The following SOX5 variants were observed in gnomAD, a reference collection of about 807,000 sequenced individuals.
SOX5 encodes the protein transcription factor SOX-5.
In SOX5, 9 loss-of-function variants were observed where a neutral mutation model predicts 92.0. The observed-to-expected ratio is 0.10, with a 90% CI of 0.06 to 0.17. The LOEUF is 0.17. Ranked by LOEUF, SOX5 falls within the 10% of genes least tolerant of loss-of-function variation. The pLI, the probability that SOX5 is intolerant of heterozygous loss-of-function variation, is 1.00. For synonymous variants in SOX5, 344 were observed against 336.3 expected, an observed-to-expected ratio of 1.02 and a Z score of -0.25; for missense variants, 642 against 944.5, an observed-to-expected ratio of 0.68 and a Z score of 4.20.
chr12:24,408,316 T>G (rs1412845190), intron 1 of SOX5, among the ~76,000 whole-genome samples: 1 of 152,208 alleles, frequency 6.6e-6, no homozygotes, highest in Non-Finnish European at 1.5e-5. Context: ...TTGTGTTTAA[T>G]TAAACATTTT....
chr12:24,028,454 C>A (rs1955123220), intron 4 of SOX5, among the ~76,000 whole-genome samples: 1 of 151,904 alleles, frequency 6.6e-6, no homozygotes, highest in South Asian at 2.1e-4. Context: ...AAAATTTGGA[C>A]AACAGAAAAC....
intron 4 of SOX5, among the ~76,000 whole-genome samples, chr12:24,208,733 A>C (rs1219198854): frequency 6.6e-6 from 1 of 152,226 alleles, no homozygotes; most frequent in African/African-American, 2.4e-5. Flanking sequence ...AGCACTTTAA[A>C]TAGTGTGTTA....
intron 1 of SOX5, among the ~76,000 whole-genome samples, chr12:23,916,317 A>C (rs1376130159): frequency 6.6e-6 from 1 of 152,226 alleles, no homozygotes; most frequent in Non-Finnish European, 1.5e-5. Flanking sequence ...CAATTGAACT[A>C]GAATGCTCCA....
At chr12:24,165,109 A>G (rs1297285119) in intron 4 of SOX5, among the ~76,000 whole-genome samples, 1 of 152,098 alleles carries the variant, frequency 6.6e-6, no homozygotes, top group African/African-American at 2.4e-5. Flanking sequence ...TCAAAGTGGT[A>G]TTTCAAAAAC....
intron 6 of SOX5, among the ~76,000 whole-genome samples, chr12:23,727,330 CTCA>C (rs1567266346): frequency 6.6e-6 from 1 of 152,106 alleles, no homozygotes; most frequent in Non-Finnish European, 1.5e-5. Flanking sequence ...AATATAACCT[CTCA>C]TGTTTGATAA....
intron 2 of SOX5, among the ~76,000 whole-genome samples, chr12:24,278,520 A>T (rs1944765901): frequency 6.6e-6 from 1 of 152,102 alleles, no homozygotes; most frequent in Admixed American, 6.6e-5. Context: ...CAAGACTAGC[A>T]TGGGCAACAC....
intron 4 of SOX5, among the ~76,000 whole-genome samples, chr12:24,102,163 T>C (rs1162373216): frequency 2.0e-5 from 3 of 152,192 alleles, no homozygotes; most frequent in Non-Finnish European, 2.9e-5. Flanking sequence ...TGCCTTCCTG[T>C]GTAGCACCTG....
intron 4 of SOX5, among the ~76,000 whole-genome samples, chr12:24,072,851 A>C (rs920089036): frequency 1.3e-5 from 2 of 152,232 alleles, no homozygotes; most frequent in Non-Finnish European, 2.9e-5. Context: ...TTGGACATTT[A>C]CTATAATTTA....
chr12:23,784,412 C>T (rs1021964493), intron 3 of SOX5, among the ~76,000 whole-genome samples: 14 of 152,024 alleles, frequency 9.2e-5, no homozygotes, highest in African/African-American at 3.4e-4. Context: ...CTGCAGGTTC[C>T]GCCTCCCGGG....
intron 6 of SOX5, among the ~76,000 whole-genome samples, chr12:23,674,877 A>C (rs1484556107): frequency 6.6e-6 from 1 of 152,054 alleles, no homozygotes; most frequent in Non-Finnish European, 1.5e-5. Flanking sequence ...AAAAATAGAG[A>C]TGCAATAGAA....
At chr12:23,747,425 G>T (rs1191225882) in intron 4 of SOX5, among the ~76,000 whole-genome samples, 1 of 152,090 alleles carries the variant, frequency 6.6e-6, no homozygotes, top group Non-Finnish European at 1.5e-5. Context: ...CTGTTTCAAA[G>T]CTTTATTCTG....
chr12:23,660,604 T>A (rs968809811), intron 7 of SOX5, among the ~76,000 whole-genome samples: 1 of 152,182 alleles, frequency 6.6e-6, no homozygotes, highest in Non-Finnish European at 1.5e-5. Context: ...ATTATCTTCA[T>A]CATACTATAC....
At position 24,511,687 on chromosome 12, in the gene SOX5, A is replaced by G. The variant is rs182013688; in HGVS notation, c.-251+50642T>C. On this transcript the variant is annotated intron_variant, in intron 1 of 4. Coordinates refer to the SOX5 transcript ENST00000446891. Reference sequence around the variant, plus strand: ...TTTTAAAGTTTTTGCGGCCGGGCGCAGTGGCTCACGTCTGTAATCCCAGCA... The same window carrying G: ...TTTTAAAGTTTTTGCGGCCGGGCGCGGTGGCTCACGTCTGTAATCCCAGCA... Among the ~76,000 whole-genome samples the G allele has an allele frequency of 3.8e-3, 585 of 152,244 alleles. 4 individuals carry two copies. The highest frequency in any genetic ancestry group is 0.012 in the African/African-American group (514 of 41,542).
intron 4 of SOX5, among the ~76,000 whole-genome samples, chr12:24,010,339 T>C (rs1952769938): frequency 6.6e-6 from 1 of 152,120 alleles, no homozygotes; most frequent in Admixed American, 6.6e-5. Flanking sequence ...AGATAATAAA[T>C]ATGTGTAAGA....
intron 4 of SOX5, among the ~76,000 whole-genome samples, chr12:24,212,722 A>C (rs148235859): frequency 2.6e-5 from 4 of 152,246 alleles, no homozygotes; most frequent in African/African-American, 9.6e-5. Flanking sequence ...CTAACCTTGC[A>C]CAATGACTGC....
intron 1 of SOX5, among the ~76,000 whole-genome samples, chr12:24,528,763 T>C (rs1038246416): frequency 1.3e-5 from 2 of 152,172 alleles, no homozygotes; most frequent in Non-Finnish European, 2.9e-5. Flanking sequence ...AGAGGAAGCA[T>C]TTATAGGCTA....
At chr12:24,442,659 G>A (rs1306217742) in intron 1 of SOX5, among the ~76,000 whole-genome samples, 2 of 152,192 alleles carry the variant, frequency 1.3e-5, no homozygotes, top group Non-Finnish European at 2.9e-5. Context: ...GCAGCGTGAT[G>A]AAGGAACAAA....
intron 1 of SOX5, among the ~76,000 whole-genome samples, chr12:24,407,249 T>A (rs955404194): frequency 6.6e-6 from 1 of 152,052 alleles, no homozygotes; most frequent in Non-Finnish European, 1.5e-5. Context: ...CCGGCAGCAG[T>A]CCACAAGTAC....
At chr12:23,978,112 A>C (rs1949121808) in intron 4 of SOX5, among the ~76,000 whole-genome samples, 1 of 152,208 alleles carries the variant, frequency 6.6e-6, no homozygotes, top group East Asian at 1.9e-4. Flanking sequence ...TCTTCAATAA[A>C]TTCTGCTGGA....
Sources: allele counts gnomAD v4.1 joint callset (sites outside exome capture counted in the v4.1 genomes callset), GRCh38; gene constraint gnomAD v4.1.1; transcripts MANE v1.5; gene names NCBI Gene and HGNC (gene_info 2026-07-23, HGNC 2026-07-21).